The following SPIDR variants were observed in gnomAD, a reference collection of about 807,000 sequenced individuals.
SPIDR encodes DNA repair-scaffolding protein.
A neutral mutation model predicts 104.6 loss-of-function variants in SPIDR; 93 were observed. That is an observed-to-expected ratio of 0.89 (90% CI 0.75 to 1.06). The LOEUF is 1.06. Among genes scored for constraint, SPIDR ranks in the 50% least tolerant of loss-of-function variants. The pLI is 0.00. For missense variants in SPIDR, 1,154 were observed against 1,111.2 expected (o/e 1.04, Z -0.55); for synonymous variants, 431 against 416.9 (o/e 1.03, Z -0.41).
chr8:47,548,079 TG>T (rs1275664084), intron 8 of SPIDR, among the ~76,000 whole-genome samples: 1 of 152,230 alleles, frequency 6.6e-6, no homozygotes, highest in East Asian at 1.9e-4. Flanking sequence ...TGAGACTTCC[TG>T]TTTGACTCAT....
intron 1 of SPIDR, among the ~76,000 whole-genome samples, chr8:47,265,472 G>A (rs989071440): frequency 1.3e-5 from 2 of 151,536 alleles, no homozygotes; most frequent in Non-Finnish European, 2.9e-5. Flanking sequence ...GTTACAGCGT[G>A]AACCACTGTG....
intron 7 of SPIDR, among the ~76,000 whole-genome samples, chr8:47,418,158 T>A (rs567034206): frequency 2.2e-4 from 33 of 152,192 alleles, no homozygotes; most frequent in Non-Finnish European, 4.1e-4. Context: ...AATTCTGTGA[T>A]GAAAGTCATT....
intron 7 of SPIDR, among the ~76,000 whole-genome samples, chr8:47,422,750 C>T (rs2065765480): frequency 6.6e-6 from 1 of 152,184 alleles, no homozygotes; most frequent in Admixed American, 6.5e-5. Context: ...CATCTTGGCT[C>T]CACCCCTCTG....
chr8:47,678,038 CAAA>C (rs532756664), intron 11 of SPIDR, among the ~76,000 whole-genome samples: 5 of 107,848 alleles, frequency 4.6e-5, no homozygotes, highest in Non-Finnish European at 2.0e-5. Flanking sequence ...ACCTCCACCT[CAAA>C]AAAAAAAAAA....
intron 8 of SPIDR, among the ~76,000 whole-genome samples, chr8:47,470,028 A>C (rs1189443371): frequency 6.6e-6 from 1 of 152,204 alleles, no homozygotes; most frequent in African/African-American, 2.4e-5. Flanking sequence ...TCAAAATTCC[A>C]ACAGCATTTT....
intron 5 of SPIDR, among the ~76,000 whole-genome samples, chr8:47,341,061 G>A (rs572540659): frequency 6.6e-6 from 1 of 152,222 alleles, no homozygotes; most frequent in Non-Finnish European, 1.5e-5. Flanking sequence ...GCTTGGGGGG[G>A]ATGCCCGTTC....
chr8:47,446,837 G>A (rs529759464), intron 8 of SPIDR, among the ~76,000 whole-genome samples: 17 of 152,094 alleles, frequency 1.1e-4, no homozygotes, highest in African/African-American at 2.7e-4. Flanking sequence ...CACCCACTTC[G>A]GCTTCCCAAA....
At chr8:47,274,756 A>G (rs1436856471) in intron 1 of SPIDR, among the ~76,000 whole-genome samples, 6 of 151,386 alleles carry the variant, frequency 4.0e-5, no homozygotes, top group Admixed American at 6.6e-5. Flanking sequence ...TTGTATTTTT[A>G]GTAGAGACGG....
At chr8:47,622,544 G>A (rs1275392895) in intron 10 of SPIDR, among the ~76,000 whole-genome samples, 1 of 152,144 alleles carries the variant, frequency 6.6e-6, no homozygotes, top group Admixed American at 6.5e-5. Flanking sequence ...CCAGCTAGGG[G>A]GTGCACAGAA....
intron 5 of SPIDR, among the ~76,000 whole-genome samples, chr8:47,323,452 C>T (rs537614520): frequency 1.1e-4 from 16 of 152,124 alleles, no homozygotes; most frequent in African/African-American, 2.4e-4. Flanking sequence ...ATGTTTTTGC[C>T]GTAGACATGG....
chr8:47,692,359 G>A (rs530590939), intron 11 of SPIDR, among the ~76,000 whole-genome samples: 8 of 152,022 alleles, frequency 5.3e-5, no homozygotes, highest in Admixed American at 1.3e-4. Context: ...TCTGCTTTCC[G>A]TCTCTGTGGA....
chr8:47,671,395 C>G (rs2075775436), intron 10 of SPIDR, among the ~76,000 whole-genome samples: 1 of 151,784 alleles, frequency 6.6e-6, no homozygotes, highest in Admixed American at 6.6e-5. Flanking sequence ...GACCAGCCTG[C>G]CCAACATGGA....
intron 8 of SPIDR, among the ~76,000 whole-genome samples, chr8:47,493,333 C>T (rs1586658102): frequency 6.6e-6 from 1 of 152,096 alleles, no homozygotes; most frequent in East Asian, 1.9e-4. Context: ...ATAAGAAACC[C>T]AGAGTTAATG....
chr8:47,536,004 C>T (rs533139578), intron 8 of SPIDR, among the ~76,000 whole-genome samples: 1 of 152,070 alleles, frequency 6.6e-6, no homozygotes, highest in Non-Finnish European at 1.5e-5. Context: ...TAGTCAGTTA[C>T]TTATATACTA....
At chr8:47,329,501 C>T (rs1400008185) in intron 5 of SPIDR, among the ~76,000 whole-genome samples, 1 of 152,112 alleles carries the variant, frequency 6.6e-6, no homozygotes, top group Non-Finnish European at 1.5e-5. Context: ...GCCACTGTAC[C>T]CAGCCTACAA....
At chr8:47,457,927 T>A (rs1474158386) in intron 8 of SPIDR, among the ~76,000 whole-genome samples, 1 of 152,196 alleles carries the variant, frequency 6.6e-6, no homozygotes, top group Admixed American at 6.5e-5. Context: ...ATTTCTGGGT[T>A]CTCTATTCTG....
intron 8 of SPIDR, among the ~76,000 whole-genome samples, chr8:47,578,598 C>G (rs1004195475): frequency 1.3e-5 from 2 of 152,090 alleles, no homozygotes; most frequent in African/African-American, 4.8e-5. Context: ...TCAATGAAGC[C>G]AAATGTCTGA....
intron 8 of SPIDR, among the ~76,000 whole-genome samples, chr8:47,518,562 C>T (rs1294974128): frequency 6.6e-6 from 1 of 152,058 alleles, no homozygotes; most frequent in Non-Finnish European, 1.5e-5. Context: ...CACACCAGAG[C>T]CTCACATCTA....
At chr8:47,315,785 C>G (rs1450108392) in intron 5 of SPIDR, among the ~76,000 whole-genome samples, 1 of 152,104 alleles carries the variant, frequency 6.6e-6, no homozygotes, top group Non-Finnish European at 1.5e-5. Flanking sequence ...ATAAAAAGTG[C>G]TGGAACAACT....
Sources: gnomAD v4.1 joint callset for allele counts (sites outside exome capture counted in the v4.1 genomes callset) on GRCh38, gnomAD v4.1.1 for gene constraint, MANE v1.5 for transcripts, NCBI Gene and HGNC (gene_info 2026-07-23, HGNC 2026-07-21) for gene names.